The following ST14 variants were observed in gnomAD, a reference collection of about 807,000 sequenced individuals.
ST14 encodes the protein suppressor of tumorigenicity 14 protein.
A neutral mutation model predicts 96.5 loss-of-function variants in ST14; 40 were observed. The observed-to-expected ratio is 0.41, with a 90% CI of 0.32 to 0.54. The LOEUF is 0.54. ST14 is among the 20% of genes least tolerant of loss of function. The pLI, the probability that ST14 is intolerant of heterozygous loss-of-function variation, is 0.17. For missense variants in ST14, 1,066 were observed against 1,188.9 expected (o/e 0.90, Z 1.52); for synonymous variants, 506 against 492.1 (o/e 1.03, Z -0.37).
chr11:130,173,024 C>T (rs1421513037), intron 1 of ST14, among the ~76,000 whole-genome samples: 3 of 152,120 alleles, frequency 2.0e-5, no homozygotes, highest in Non-Finnish European at 4.4e-5. Context: ...GAGGGTGTGG[C>T]GTCACCACGC....
At chr11:130,173,038 T>C (rs1474910404) in intron 1 of ST14, among the ~76,000 whole-genome samples, 1 of 152,088 alleles carries the variant, frequency 6.6e-6, no homozygotes, top group Non-Finnish European at 1.5e-5. Context: ...ACCACGCGAG[T>C]GGTCAGGACT....
At chr11:130,204,779 A>G (rs1009168416) in intron 16 of ST14, among the ~76,000 whole-genome samples, 1 of 151,866 alleles carries the variant, frequency 6.6e-6, no homozygotes, top group Non-Finnish European at 1.5e-5. Flanking sequence ...ATGCCACTAC[A>G]CTCCAGCCTA....
At chr11:130,196,736 G>A in intron 11 of ST14, 36 bp downstream of exon 11, 2 of 1,614,036 alleles carry the variant, frequency 1.2e-6, no homozygotes, top group South Asian at 1.1e-5. Flanking sequence ...GCTGGCGGGG[G>A]CCTGCACCGC....
chr11:130,189,254 A>G (rs1478558609), intron 4 of ST14: 9 of 518,442 alleles, frequency 1.7e-5, no homozygotes, highest in Non-Finnish European at 3.1e-5. Flanking sequence ...GTACTCAGGC[A>G]GCCTTCAATG....
chr11:130,187,974 G>C lies in ST14; in HGVS notation c.82-140G>C, dbSNP rs1329573244. On this transcript the variant is annotated intron_variant, in intron 1 of 18. Coordinates refer to ENST00000278742, the MANE Select transcript of ST14 (RefSeq NM_021978.4). This position sits in a 1 kb window ranked among gnomAD's most constrained non-coding sequence, Gnocchi z 4.5. Reference sequence around the variant, plus strand: ...TCTGGGCAGTGGTCCCCATGCCTCTGGGGGAAGCCCCCTTCTTCTCACCCA... The same window carrying C: ...TCTGGGCAGTGGTCCCCATGCCTCTCGGGGAAGCCCCCTTCTTCTCACCCA... 1 of 1,217,592 alleles carries C rather than the reference G, an allele frequency of 8.2e-7. No homozygotes were observed. Among genetic ancestry groups the C allele is most frequent in the East Asian group, 2.5e-5 (1 of 39,316 alleles). 75.4% of individuals were successfully genotyped at this position (1,217,592 alleles called of 1,614,324 possible).
chr11:130,165,671 C>T (rs1035156266), intron 1 of ST14, among the ~76,000 whole-genome samples: 2 of 152,044 alleles, frequency 1.3e-5, no homozygotes, highest in East Asian at 1.9e-4. Flanking sequence ...ATGGTGGTGG[C>T]GATGTTGAAA....
At chr11:130,165,777 G>A (rs1327342204) in intron 1 of ST14, among the ~76,000 whole-genome samples, 1 of 152,174 alleles carries the variant, frequency 6.6e-6, no homozygotes, top group African/African-American at 2.4e-5. Context: ...CAGCTGTGTG[G>A]GGGAAAGAAT....
intron 1 of ST14, among the ~76,000 whole-genome samples, 179 bp downstream of exon 1, chr11:130,160,239 T>C (rs887103050): frequency 6.8e-6 from 1 of 146,992 alleles, no homozygotes; most frequent in African/African-American, 2.5e-5. Flanking sequence ...TGGCCGGACC[T>C]TTGGTACCGG....
At position 130,194,808 on chromosome 11, in the gene ST14, G is replaced by A; in HGVS notation, c.1113+71G>A. 3 of 1,436,250 alleles carry A rather than the reference G, an allele frequency of 2.1e-6. No homozygotes were observed. In the Admixed American group the frequency reaches 5.1e-5, roughly 25 times the overall value. 89.0% of individuals were successfully genotyped at this position (1,436,250 alleles called of 1,614,324 possible). A position where few individuals can be genotyped will look rare whatever the true frequency, so the allele number is the denominator to read the frequency against. On this transcript the variant is annotated intron_variant, in intron 9 of 18. Transcript: ENST00000278742. ...TGTGCACGTGTGTGTGTCTCCCTGT[G>A]CAGATGTGTGTGGATGTGTGTGCAT...
At position 130,196,422 on chromosome 11, in the gene ST14, G is replaced by C. The variant is rs1474760585; in HGVS notation, c.1197G>C (p.Lys399Asn). 6 of 1,610,312 alleles carry C rather than the reference G, an allele frequency of 3.7e-6. No homozygotes were observed. The highest frequency in any genetic ancestry group is 1.7e-4 in the Middle Eastern group (1 of 6,044). The change falls in exon 10 of 19, where the codon AAG becomes AAC. Residue 399 changes from lysine (K) to asparagine (N), a missense_variant. Coordinates refer to ENST00000278742, the MANE Select transcript of ST14 (RefSeq NM_021978.4). The part of the protein sequence containing the change: ...EPGVPAGTCP[K>N]DYVEINGEKY... ...GCGTGCCTGCGGGCACCTGCCCCAAGGACTACGTGGAGATCAACGGGGAGA... is the reference window on the plus strand; with the variant it reads ...GCGTGCCTGCGGGCACCTGCCCCAACGACTACGTGGAGATCAACGGGGAGA...
At chr11:130,182,158 T>C (rs1393344153) in intron 1 of ST14, among the ~76,000 whole-genome samples, 3 of 152,230 alleles carry the variant, frequency 2.0e-5, no homozygotes, top group Admixed American at 2.0e-4. Context: ...GCCTTCTTTA[T>C]ATAACACGGG....
Position 130,208,466 on chromosome 11 carries a change from G to A in ST14, c.2051G>A (p.Arg684His), listed in dbSNP as rs770526549. The A allele has an allele frequency of 6.2e-7, 1 of 1,614,178 alleles. No homozygotes were observed. The highest frequency in any genetic ancestry group is 8.5e-7 in the Non-Finnish European group (1 of 1,180,028). The change falls in exon 17 of 19, where the codon CGC (arginine) becomes CAC (histidine). Residue 684 changes from arginine to histidine, a missense_variant. Transcript: ENST00000278742. ...CTGGGCTTGCACGACCAGAGCCAGC[G>A]CAGCGCCCCTGGGGTGCAGGAGCGC... is the stretch of plus-strand genomic sequence containing the variant. ...AFLGLHDQSQRSAPGVQERRL... is the reference protein window; with the variant it reads ...AFLGLHDQSQHSAPGVQERRL...
intron 7 of ST14, among the ~76,000 whole-genome samples, chr11:130,192,973 CA>C (rs1953319747): frequency 6.6e-6 from 1 of 152,122 alleles, no homozygotes; most frequent in Non-Finnish European, 1.5e-5. Context: ...AGATGTTGGG[CA>C]AGTTACTGAA....
intron 16 of ST14, among the ~76,000 whole-genome samples, chr11:130,205,165 T>G (rs1316458219): frequency 6.6e-6 from 1 of 152,062 alleles, no homozygotes; most frequent in Non-Finnish European, 1.5e-5. Flanking sequence ...TCTCACTCTG[T>G]CCCCAGGCTG....
At position 130,159,998 on chromosome 11, in the gene ST14, C is replaced by A. The variant is rs1952986464; in HGVS notation, c.19C>A (p.Arg7Ser). 2.8e-6 allele frequency: 4 copies of A among 1,412,552 alleles called. No individual in the cohort carries two copies. In the African/African-American group the frequency reaches 6.0e-5, roughly 21 times the overall value. 87.5% of individuals were successfully genotyped at this position (1,412,552 alleles called of 1,614,324 possible). A position where few individuals can be genotyped will look rare whatever the true frequency, so the allele number is the denominator to read the frequency against. MGSDRA[R>S]KGGGGPKDFG... ...GGGGACCATGGGGAGCGATCGGGCC[C>A]GCAAGGGCGGAGGGGGCCCGAAGGA... The change falls in exon 1 of 19, where the codon CGC becomes AGC. Residue 7 changes from arginine (R) to serine (S), a missense_variant. By Grantham distance (110) the Arg-to-Ser change is moderately radical. Transcript: ENST00000278742.
intron 4 of ST14, chr11:130,189,411 C>T (rs1013051437): frequency 4.2e-6 from 2 of 479,510 alleles, no homozygotes; most frequent in African/African-American, 3.9e-5. Flanking sequence ...GTTCCTTTCT[C>T]AGGTCAGAAA....
At chr11:130,194,594 C>T (rs375233215) in intron 8 of ST14, 46 bp from the exon 9 acceptor site, 86 of 1,597,186 alleles carry the variant, frequency 5.4e-5, no homozygotes, top group Middle Eastern at 1.7e-4. Flanking sequence ...CCTGCTCGGC[C>T]GGGCAGGTTC....
intron 12 of ST14, 38 bp from the exon 13 acceptor site, chr11:130,198,270 G>A (rs1953388767): frequency 6.3e-7 from 1 of 1,578,382 alleles, no homozygotes; most frequent in Admixed American, 1.7e-5. Flanking sequence ...AGTGAGTGAT[G>A]AGGGCCTCAC....
At chr11:130,183,103 T>C (rs887032908) in intron 1 of ST14, among the ~76,000 whole-genome samples, 3 of 151,844 alleles carry the variant, frequency 2.0e-5, no homozygotes, top group African/African-American at 4.8e-5. Flanking sequence ...ATTACAGGCG[T>C]CCACGACCAC....
Sources: gnomAD v4.1 joint callset for allele counts (sites outside exome capture counted in the v4.1 genomes callset) on GRCh38, gnomAD v4.1.1 for gene constraint, Gnocchi (gnomAD v3.1) non-coding constraint, MANE v1.5 for transcripts, NCBI Gene and HGNC (gene_info 2026-07-23, HGNC 2026-07-21) for gene names.